The following FNIP1 variants were observed in gnomAD, a reference collection of about 807,000 sequenced individuals.
The protein encoded by FNIP1 is folliculin-interacting protein 1.
FNIP1 carries 40 observed loss-of-function variants against 124.5 expected under a neutral mutation model. That is an observed-to-expected ratio of 0.32 (90% CI 0.25 to 0.42). The LOEUF (loss-of-function observed/expected upper bound fraction) is 0.42, where lower values mean the gene tolerates loss of function less well. Among genes scored for constraint, FNIP1 ranks in the 10% least tolerant of loss-of-function variants. The probability of loss-of-function intolerance (pLI) is 1.00; values close to 1 mark genes in which losing one functional copy is unlikely to be tolerated. For missense variants in FNIP1, 1,176 were observed against 1,403.7 expected, an observed-to-expected ratio of 0.84 and a Z score of 2.59; for synonymous variants, 472 against 470.6, an observed-to-expected ratio of 1.00 and a Z score of -0.04.
chr5:131,763,750 AT>A (rs2149573469), intron 1 of FNIP1, among the ~76,000 whole-genome samples: 1 of 152,308 alleles, frequency 6.6e-6, no homozygotes, highest in South Asian at 2.1e-4. Flanking sequence ...TAAAAACAAA[AT>A]GTTACAATAT....
At chr5:131,742,732 A>G (rs984701085) in intron 2 of FNIP1, among the ~76,000 whole-genome samples, 5 of 152,234 alleles carry the variant, frequency 3.3e-5, no homozygotes, top group African/African-American at 9.6e-5. Flanking sequence ...TTTATTATGT[A>G]TGAACCCAAA....
chr5:131,704,297 CA>C, intron 9 of FNIP1, 31 bp from the exon 10 acceptor site: 1 of 1,485,102 alleles, frequency 6.7e-7, no homozygotes, highest in Non-Finnish European at 9.1e-7. Context: ...TATTAATTTA[CA>C]AAAGTAAAAA....
chr5:131,790,565 C>T (rs181648607), intron 1 of FNIP1, among the ~76,000 whole-genome samples: 20 of 150,604 alleles, frequency 1.3e-4, no homozygotes, highest in Admixed American at 5.3e-4. Context: ...CAACCCCTTA[C>T]GTGAATTTAC....
intron 1 of FNIP1, among the ~76,000 whole-genome samples, chr5:131,769,069 G>C (rs2149576583): frequency 6.6e-6 from 1 of 152,106 alleles, no homozygotes; most frequent in East Asian, 1.9e-4. Context: ...ATATATATGG[G>C]ATACAAACAG....
At chr5:131,709,335 C>A in intron 7 of FNIP1, 63 bp from the exon 8 acceptor site, 1 of 1,371,980 alleles carries the variant, frequency 7.3e-7, no homozygotes, top group Non-Finnish European at 1.0e-6. Flanking sequence ...ATGAACAGCT[C>A]CTTTTAAATA....
At chr5:131,650,758 T>C (rs994325031) in intron 16 of FNIP1, among the ~76,000 whole-genome samples, 5 of 152,264 alleles carry the variant, frequency 3.3e-5, no homozygotes, top group African/African-American at 7.2e-5. Context: ...GGGTTTGTCA[T>C]AGATATCCTT....
intron 15 of FNIP1, among the ~76,000 whole-genome samples, chr5:131,655,824 A>G (rs1767175280): frequency 6.6e-6 from 1 of 151,922 alleles, no homozygotes; most frequent in African/African-American, 2.4e-5. Context: ...AGGCTGACGC[A>G]GGAGAATGGC....
intron 3 of FNIP1, among the ~76,000 whole-genome samples, chr5:131,728,414 T>C (rs1769962423): frequency 2.0e-5 from 3 of 152,092 alleles, no homozygotes. Flanking sequence ...CTTCATGCTT[T>C]ATGTCATTAA....
chr5:131,772,971 G>T (rs1194201881), intron 1 of FNIP1, among the ~76,000 whole-genome samples: 1 of 151,988 alleles, frequency 6.6e-6, no homozygotes, highest in Non-Finnish European at 1.5e-5. Flanking sequence ...TATAATCTGA[G>T]CCCCAGCATT....
rs549988525 is a variant in FNIP1, at chr5:131,725,701, C to T, written c.354+5203G>A. Among the ~76,000 whole-genome samples the T allele has an allele frequency of 1.2e-4, 18 of 152,194 alleles. No homozygotes were observed. The South Asian group carries it at 3.7e-3, about 32-fold the overall frequency. ...AATACCCTTTATTTATTTCTCTTGC[C>T]TGATTGCCCTGGCCAGAACTTCCAA... On this transcript the variant is annotated intron_variant, in intron 3 of 17. Transcript: ENST00000510461.
At position 131,671,922 on chromosome 5, in the gene FNIP1, T is replaced by A; in HGVS notation, c.2522A>T (p.Asp841Val). The A allele has an allele frequency of 6.2e-7, 1 of 1,614,222 alleles. No homozygotes were observed. The highest frequency in any genetic ancestry group is 8.5e-7 in the Non-Finnish European group (1 of 1,180,034). Residue 841 changes from aspartate (D) to valine (V), a missense_variant, in exon 14 of 18, where the codon GAT becomes GTT. Coordinates refer to ENST00000510461, the MANE Select transcript of FNIP1 (RefSeq NM_133372.3). The part of the protein sequence containing the change: ...SMSLFDEYFN[D>V]DSIETRTIDD... ...AATAGTCCTGGTTTCGATTGAATCA[T>A]CATTAAAATATTCGTCGAATAAGCT...
chr5:131,770,189 A>C (rs1214398662), intron 1 of FNIP1, among the ~76,000 whole-genome samples: 4 of 152,242 alleles, frequency 2.6e-5, no homozygotes, highest in African/African-American at 9.6e-5. Context: ...AGCAAGTTGA[A>C]AAGCAGGCCC....
intron 15 of FNIP1, among the ~76,000 whole-genome samples, chr5:131,669,338 A>G (rs902106891): frequency 9.9e-5 from 15 of 152,184 alleles, no homozygotes; most frequent in African/African-American, 3.6e-4. Context: ...ATGTGCCAAT[A>G]TTATCCTGAT....
At chr5:131,724,881 G>C (rs952764926) in intron 3 of FNIP1, among the ~76,000 whole-genome samples, 2 of 152,138 alleles carry the variant, frequency 1.3e-5, no homozygotes, top group Non-Finnish European at 2.9e-5. Flanking sequence ...TTTTGTATAA[G>C]GTGTAAGGAA....
Position 131,793,083 on chromosome 5 carries a change from T to A in FNIP1, c.92+3747A>T, listed in dbSNP as rs113982266. 3.3e-3 allele frequency among the ~76,000 whole-genome samples: 503 copies of A among 152,350 alleles called. 2 individuals carry two copies. Among genetic ancestry groups the A allele is most frequent in the African/African-American group, 0.012 (482 of 41,586 alleles). ...CACTCTGTTGCCCAGGCTAGACTAG[T>A]GCAGTGGCGCAATCATGGCTCATCA... On this transcript the variant is annotated intron_variant, in intron 1 of 17. Transcript: ENST00000510461.
At chr5:131,669,766 T>C (rs990392834) in intron 15 of FNIP1, among the ~76,000 whole-genome samples, 3 of 152,146 alleles carry the variant, frequency 2.0e-5, no homozygotes, top group African/African-American at 4.8e-5. Flanking sequence ...TTCCATCTAA[T>C]AAAGGGCATC....
At chr5:131,663,389 A>T (rs31585) in intron 15 of FNIP1, among the ~76,000 whole-genome samples, 2 of 151,996 alleles carry the variant, frequency 1.3e-5, no homozygotes, top group African/African-American at 4.8e-5. Flanking sequence ...TATATGTGTC[A>T]TGTGTGTGAT....
chr5:131,662,089 G>A (rs1767458132), intron 15 of FNIP1, among the ~76,000 whole-genome samples: 1 of 152,156 alleles, frequency 6.6e-6, no homozygotes, highest in South Asian at 2.1e-4. Flanking sequence ...TTCATGTCAG[G>A]CACCCAATCC....
chr5:131,718,729 G>A (rs1769553504), intron 5 of FNIP1, among the ~76,000 whole-genome samples: 1 of 152,170 alleles, frequency 6.6e-6, no homozygotes, highest in African/African-American at 2.4e-5. Context: ...TGAAAAATCA[G>A]CATGTTGCCC....
Sources: allele counts gnomAD v4.1 joint callset (sites outside exome capture counted in the v4.1 genomes callset), GRCh38; gene constraint gnomAD v4.1.1; transcripts MANE v1.5; gene names NCBI Gene and HGNC (gene_info 2026-07-23, HGNC 2026-07-21).